Variants in PHRF1 observed in about 807,000 individuals in gnomAD.
PHRF1 encodes PHD and RING finger domain-containing protein 1.
A neutral mutation model predicts 128.9 loss-of-function variants in PHRF1; 53 were observed. That is an observed-to-expected ratio of 0.41 (90% confidence interval 0.33 to 0.52). The LOEUF is 0.52. PHRF1 is among the 20% of genes least tolerant of loss of function. The pLI is 0.21. For missense variants in PHRF1, 2,503 were observed against 2,284.5 expected (o/e 1.10, Z -1.95); for synonymous variants, 1,178 against 980.6 (o/e 1.20, Z -3.76).
At chr11:581,358 A>G in intron 1 of PHRF1, 134 bp from the exon 2 acceptor site, 2 of 691,304 alleles carry the variant, frequency 2.9e-6, no homozygotes, top group Admixed American at 2.8e-5. Context: ...GTGATATCTC[A>G]GGGCTCACTC....
chr11:603,075 G>C (rs545578556), intron 10 of PHRF1, among the ~76,000 whole-genome samples: 26 of 151,544 alleles, frequency 1.7e-4, no homozygotes, highest in Middle Eastern at 3.4e-3. Context: ...TTTGTTTTTT[G>C]AGATGGTATC....
In PHRF1 at chr11:611,759, G is replaced by A. The variant is rs750640612; in HGVS notation, c.4932G>A (p.Thr1644=). ...KKPEAGEEPP[T]QGAEG ...CAGAGGCCGGGGAGGAGCCGCCCAC[G>A]CAGGGGGCCGAGGGCTGAGGCCAGG... The change falls in exon 18 of 18, where the codon ACG becomes ACA. Residue 1644 remains threonine, a synonymous_variant. Coordinates refer to ENST00000264555, the MANE Select transcript of PHRF1 (RefSeq NM_001286581.2). 7.5e-6 allele frequency: 12 copies of A among 1,608,062 alleles called. No homozygotes were observed. Among genetic ancestry groups the A allele is most frequent in the Admixed American group, 3.4e-5 (2 of 59,116 alleles).
At chr11:594,153 T>C (rs556318789) in intron 6 of PHRF1, among the ~76,000 whole-genome samples, 1 of 152,184 alleles carries the variant, frequency 6.6e-6, no homozygotes, top group Non-Finnish European at 1.5e-5. Context: ...TCCATGCCCA[T>C]GTGTAGGACT....
chr11:596,953 C>G lies in PHRF1; in HGVS notation c.651C>G (p.Leu217=). The change falls in exon 7 of 18, where the codon CTC becomes CTG. Residue 217 remains leucine (L), a synonymous_variant. Coordinates refer to ENST00000264555, the MANE Select transcript of PHRF1 (RefSeq NM_001286581.2). ...ACATGGAATGCTTGGACCCCCCTCT[C>G]CAGGAGGTGCCGGTGGACGAGTGGT... ...GYHMECLDPP[L]QEVPVDEWFC... 2 of 1,613,924 alleles carry G rather than the reference C, an allele frequency of 1.2e-6. No homozygotes were observed. The highest frequency in any genetic ancestry group is 1.7e-6 in the Non-Finnish European group (2 of 1,179,876).
intron 3 of PHRF1, among the ~76,000 whole-genome samples, chr11:582,548 C>T (rs994335816): frequency 1.3e-4 from 20 of 151,724 alleles, no homozygotes; most frequent in Admixed American, 3.9e-4. Flanking sequence ...TTTTTTGAGA[C>T]GGAGTCTCGC....
intron 10 of PHRF1, among the ~76,000 whole-genome samples, chr11:602,700 A>G (rs983067604): frequency 2.0e-5 from 3 of 151,746 alleles, no homozygotes; most frequent in Non-Finnish European, 4.4e-5. Context: ...AACAAAACAA[A>G]ACAAAACTGA....
At chr11:609,762 T>A in intron 14 of PHRF1, 42 bp downstream of exon 14, 1 of 1,291,802 alleles carries the variant, frequency 7.7e-7, no homozygotes, top group Middle Eastern at 2.8e-4. Flanking sequence ...GAGCCCCCAG[T>A]GAGTAAGGCC....
chr11:585,083 T>G (rs1854450264), intron 3 of PHRF1, among the ~76,000 whole-genome samples: 2 of 152,172 alleles, frequency 1.3e-5, no homozygotes, highest in Non-Finnish European at 2.9e-5. Flanking sequence ...GGTCCCTAAC[T>G]GGTGGGAAAC....
In PHRF1 at chr11:597,516, G is replaced by A. The variant is rs370228419; in HGVS notation, c.840G>A (p.Glu280=). 13 of 1,612,598 alleles carry A rather than the reference G, an allele frequency of 8.1e-6. No homozygotes were observed. The highest frequency in any genetic ancestry group is 1.1e-5 in the Non-Finnish European group (13 of 1,179,610). The part of the protein sequence containing the change: ...TRAIARTRQS[E]RVRATVNRNR... ...CGATAGCCAGGACACGGCAGAGTGA[G>A]AGAGTGAGAGCAACCGTGAACCGGA... Residue 280 remains glutamate, a synonymous_variant, in exon 8 of 18, where the codon GAG becomes GAA. Coordinates refer to ENST00000264555, the MANE Select transcript of PHRF1 (RefSeq NM_001286581.2). This position sits in a 1 kb window ranked among gnomAD's most constrained non-coding sequence, Gnocchi z 6.5.
At chr11:605,430 C>A in intron 11 of PHRF1, 130 bp downstream of exon 11, 1 of 1,473,560 alleles carries the variant, frequency 6.8e-7, no homozygotes, top group South Asian at 1.3e-5. Context: ...ATTCCTCCCA[C>A]CGCCATACGG....
intron 1 of PHRF1, among the ~76,000 whole-genome samples, chr11:579,732 T>G (rs1393196893): frequency 6.6e-6 from 1 of 152,178 alleles, no homozygotes; most frequent in Non-Finnish European, 1.5e-5. Flanking sequence ...AAAGGTTAAT[T>G]ACTAATTTGG....
chr11:592,461 A>C, intron 5 of PHRF1, 98 bp from the exon 6 acceptor site: 1 of 1,207,092 alleles, frequency 8.3e-7, no homozygotes, highest in Non-Finnish European at 1.2e-6. Flanking sequence ...TATGAATCTA[A>C]GGCAATGGGT....
At chr11:596,891 C>G (rs1855310269) in intron 6 of PHRF1, 32 bp from the exon 7 acceptor site, 15 of 1,596,542 alleles carry the variant, frequency 9.4e-6, no homozygotes, top group Non-Finnish European at 9.4e-6. Context: ...GTGAGCAGCA[C>G]CCGGATGCTT....
At chr11:599,654 T>C (rs73396346) in intron 9 of PHRF1, among the ~76,000 whole-genome samples, 1,928 of 152,302 alleles carry the variant, frequency 0.013, 43 homozygotes, top group African/African-American at 0.043. Flanking sequence ...GAAATAGTTA[T>C]GAGACCACAC....
chr11:585,698 T>TTTTTTTTTTTG, intron 3 of PHRF1, among the ~76,000 whole-genome samples: 1 of 149,136 alleles, frequency 6.7e-6, no homozygotes, highest in African/African-American at 2.5e-5. Context: ...TTTTTTTTTT[T>TTTTTTTTTTTG]GAGGTCGAGT....
At chr11:577,402 G>T (rs1442525135) in intron 1 of PHRF1, among the ~76,000 whole-genome samples, 1 of 152,256 alleles carries the variant, frequency 6.6e-6, no homozygotes, top group Non-Finnish European at 1.5e-5. Flanking sequence ...GTTCTGGCCA[G>T]TGGTCAATGG....
At chr11:582,958 T>G (rs1426943971) in intron 3 of PHRF1, among the ~76,000 whole-genome samples, 1 of 142,776 alleles carries the variant, frequency 7.0e-6, no homozygotes, top group Non-Finnish European at 1.5e-5. Context: ...GGTGTGAACC[T>G]AGGAGGTGGA....
At chr11:595,227 G>A (rs988160721) in intron 6 of PHRF1, among the ~76,000 whole-genome samples, 2 of 152,190 alleles carry the variant, frequency 1.3e-5, no homozygotes, top group Non-Finnish European at 2.9e-5. Context: ...GGAGGCTGAG[G>A]CACGCGAATA....
intron 3 of PHRF1, among the ~76,000 whole-genome samples, chr11:587,040 G>A (rs1364531929): frequency 2.0e-5 from 3 of 152,188 alleles, no homozygotes; most frequent in Non-Finnish European, 4.4e-5. Context: ...CCGCCCCTCG[G>A]TGCAGGGCAC....
Sources: gnomAD v4.1 joint callset for allele counts (sites outside exome capture counted in the v4.1 genomes callset) on GRCh38, gnomAD v4.1.1 for gene constraint, Gnocchi (gnomAD v3.1) non-coding constraint, MANE v1.5 for transcripts, NCBI Gene and HGNC (gene_info 2026-07-23, HGNC 2026-07-21) for gene names.